Variants in FAM117A observed in about 807,000 individuals in gnomAD.
FAM117A encodes family with sequence similarity 117 member A, also known as protein FAM117A.
FAM117A carries 21 observed loss-of-function variants against 44.1 expected under a neutral mutation model. The observed-to-expected ratio is 0.48, with a 90% CI of 0.34 to 0.69. The LOEUF is 0.69. FAM117A is among the 30% of genes least tolerant of loss of function. The probability of loss-of-function intolerance (pLI) is 0.01; values close to 1 mark genes in which losing one functional copy is unlikely to be tolerated. For synonymous variants in FAM117A, 220 were observed against 238.3 expected (o/e 0.92, Z 0.71); for missense variants, 498 against 589.9 (o/e 0.84, Z 1.61).
intron 2 of FAM117A, among the ~76,000 whole-genome samples, 189 bp from the exon 3 acceptor site, chr17:49,722,783 C>T (rs775859836): frequency 1.3e-5 from 2 of 152,174 alleles, no homozygotes; most frequent in Non-Finnish European, 2.9e-5. Context: ...CAGTTCATGT[C>T]CTCCAGCAAA....
chr17:49,770,999 G>C (rs2073759446), intron 1 of FAM117A, among the ~76,000 whole-genome samples: 2 of 152,144 alleles, frequency 1.3e-5, no homozygotes, highest in South Asian at 4.1e-4. Context: ...TTGAGGTCAG[G>C]AGTTCGAGAC....
intron 1 of FAM117A, among the ~76,000 whole-genome samples, chr17:49,788,170 G>A (rs2073830217): frequency 6.6e-6 from 1 of 152,156 alleles, no homozygotes; most frequent in Non-Finnish European, 1.5e-5. Context: ...CTTGATGGCG[G>A]ACGCTATCCG....
chr17:49,717,984 A>C, intron 5 of FAM117A: 2 of 287,284 alleles, frequency 7.0e-6, no homozygotes, highest in East Asian at 6.6e-5. Flanking sequence ...GGCTTGATCA[A>C]TGTGTTGTCC....
At chr17:49,733,658 G>A (rs568667834) in intron 1 of FAM117A, among the ~76,000 whole-genome samples, 4 of 152,170 alleles carry the variant, frequency 2.6e-5, no homozygotes, top group Non-Finnish European at 4.4e-5. Flanking sequence ...GGGTAACAGA[G>A]GAAGACTCTG....
intron 1 of FAM117A, among the ~76,000 whole-genome samples, chr17:49,748,464 G>A (rs926686483): frequency 2.6e-5 from 4 of 152,184 alleles, no homozygotes; most frequent in Admixed American, 6.5e-5. Context: ...GGAAACTTAC[G>A]TTAGAGGAGG....
intron 1 of FAM117A, among the ~76,000 whole-genome samples, chr17:49,787,524 C>T (rs2073820788): frequency 6.6e-6 from 1 of 152,214 alleles, no homozygotes; most frequent in South Asian, 2.1e-4. Context: ...TTACCTTCTG[C>T]TTCTTTGTTC....
chr17:49,722,825 C>T (rs1046109535), intron 2 of FAM117A, among the ~76,000 whole-genome samples: 5 of 152,164 alleles, frequency 3.3e-5, no homozygotes, highest in African/African-American at 1.2e-4. Context: ...GGCCAACCTC[C>T]TCTTTACTCT....
intron 1 of FAM117A, among the ~76,000 whole-genome samples, chr17:49,753,637 G>A (rs1293321640): frequency 1.3e-5 from 2 of 152,132 alleles, no homozygotes; most frequent in South Asian, 2.1e-4. Flanking sequence ...CCAACATGGT[G>A]AAACCCCGTT....
intron 1 of FAM117A, among the ~76,000 whole-genome samples, chr17:49,740,671 C>T (rs2073630870): frequency 6.6e-6 from 1 of 152,154 alleles, no homozygotes; most frequent in South Asian, 2.1e-4. Flanking sequence ...TCTCTAAGTG[C>T]CAGGCTACCA....
chr17:49,727,043 G>T (rs2143721306), intron 2 of FAM117A, among the ~76,000 whole-genome samples: 1 of 152,150 alleles, frequency 6.6e-6, no homozygotes, highest in South Asian at 2.1e-4. Flanking sequence ...GTCACACCAT[G>T]CTGCTCAGTC....
chr17:49,743,445 A>G (rs2073642445), intron 1 of FAM117A, among the ~76,000 whole-genome samples: 1 of 152,104 alleles, frequency 6.6e-6, no homozygotes, highest in South Asian at 2.1e-4. Flanking sequence ...AAAAGAAAAA[A>G]AAGGCCAGGC....
In FAM117A at chr17:49,717,783, A is replaced by G. The variant is rs570857941; in HGVS notation, c.709-69T>C. The G allele has an allele frequency of 5.6e-5, 73 of 1,310,912 alleles. 1 individual carries two copies. The South Asian group carries it at 9.9e-4, about 18-fold the overall frequency. The allele number at this position is 1,310,912 out of a possible 1,614,324, so 81.2% of individuals were successfully genotyped here. A position where few individuals can be genotyped will look rare whatever the true frequency, so the allele number is the denominator to read the frequency against. ...AGGCCTGCAGCAGCACAGTGACCCCAAGGGTATTTCCCTTGCTGCTGTCAT... is the reference window on the plus strand; with the variant it reads ...AGGCCTGCAGCAGCACAGTGACCCCGAGGGTATTTCCCTTGCTGCTGTCAT... On this transcript the variant is annotated intron_variant, in intron 5 of 7. Coordinates refer to ENST00000240364, the MANE Select transcript of FAM117A (RefSeq NM_030802.4).
At chr17:49,785,923 T>C (rs1041117492) in intron 1 of FAM117A, among the ~76,000 whole-genome samples, 2 of 152,234 alleles carry the variant, frequency 1.3e-5, no homozygotes, top group African/African-American at 2.4e-5. Context: ...TGATTGAGGA[T>C]AGCCAGGGGG....
intron 1 of FAM117A, among the ~76,000 whole-genome samples, chr17:49,737,289 T>C (rs1379422641): frequency 3.9e-5 from 6 of 152,228 alleles, no homozygotes; most frequent in Non-Finnish European, 8.8e-5. Flanking sequence ...CAGATATTTC[T>C]GGGAGCTTCT....
At chr17:49,724,625 G>C (rs2073551066) in intron 2 of FAM117A, 6 of 389,322 alleles carry the variant, frequency 1.5e-5, no homozygotes, top group South Asian at 1.1e-4. Context: ...TTGAGGTCAA[G>C]AGTTCAAGAC....
At chr17:49,785,889 C>T (rs540452883) in intron 1 of FAM117A, among the ~76,000 whole-genome samples, 6 of 152,156 alleles carry the variant, frequency 3.9e-5, no homozygotes, top group Non-Finnish European at 7.3e-5. Context: ...GGAGAACTGT[C>T]GAGAGTGTCA....
intron 1 of FAM117A, among the ~76,000 whole-genome samples, chr17:49,781,449 TAAGGA>T (rs1362658412): frequency 6.6e-6 from 1 of 152,076 alleles, no homozygotes; most frequent in African/African-American, 2.4e-5. Flanking sequence ...TGAAAGTCTT[TAAGGA>T]AAGGAAAGAA....
chr17:49,749,808 G>A (rs1332165559), intron 1 of FAM117A, among the ~76,000 whole-genome samples: 1 of 148,180 alleles, frequency 6.7e-6, no homozygotes, highest in African/African-American at 2.4e-5. Context: ...CTCAGAATCT[G>A]ATGCCAACCT....
chr17:49,764,797 ATCTG>A (rs1335504133), upstream of FAM117A, among the ~76,000 whole-genome samples: 1 of 152,196 alleles, frequency 6.6e-6, no homozygotes, highest in Non-Finnish European at 1.5e-5. Context: ...TGACACTTAC[ATCTG>A]TCTTTCTCCA....
Sources: gnomAD v4.1 joint callset for allele counts (sites outside exome capture counted in the v4.1 genomes callset) on GRCh38, gnomAD v4.1.1 for gene constraint, MANE v1.5 for transcripts, NCBI Gene and HGNC (gene_info 2026-07-23, HGNC 2026-07-21) for gene names.